ANKRD36: variants seen among roughly 807,000 people sequenced by gnomAD.
ANKRD36 encodes the protein ankyrin repeat domain 36.
In ANKRD36, 179 loss-of-function variants were observed where a neutral mutation model predicts 278.1. That is an observed-to-expected ratio of 0.64 (90% CI 0.57 to 0.73). The LOEUF (loss-of-function observed/expected upper bound fraction) is 0.73, where lower values mean the gene tolerates loss of function less well. ANKRD36 is among the 30% of genes least tolerant of loss of function. ANKRD36 has a pLI of 0.00. For synonymous variants in ANKRD36, 320 were observed against 641.1 expected, an observed-to-expected ratio of 0.50 and a Z score of 7.57; for missense variants, 1,159 against 1,956.7, an observed-to-expected ratio of 0.59 and a Z score of 7.69.
intron 24 of ANKRD36, among the ~76,000 whole-genome samples, chr2:97,180,464 T>A (rs1489857983): frequency 6.6e-6 from 1 of 151,588 alleles, no homozygotes; most frequent in Admixed American, 6.6e-5. Flanking sequence ...TGAGGAAACC[T>A]GAGTGAACTC....
chr2:97,179,032 G>T lies in ANKRD36; in HGVS notation c.1634-706G>T, dbSNP rs533179008. On this transcript the variant is annotated intron_variant, in intron 22 of 75. Coordinates refer to ENST00000420699, the MANE Select transcript of ANKRD36 (RefSeq NM_001354587.1). ...TATTTTGTATAAGTATGTCAAATTT[G>T]GTAATTTATTACACTTTTTGATGAA... Among the ~76,000 whole-genome samples the T allele has an allele frequency of 2.0e-5, 3 of 151,382 alleles. No individual in the cohort carries two copies. In the South Asian group the frequency reaches 6.3e-4, roughly 32 times the overall value.
At position 97,154,730 on chromosome 2, in the gene ANKRD36, T is replaced by C; in HGVS notation, c.1249T>C (p.Leu417=). 1.3e-6 allele frequency: 2 copies of C among 1,488,408 alleles called. No homozygotes were observed. The highest frequency in any genetic ancestry group is 1.4e-5 in the African/African-American group (1 of 72,864). 92.2% of individuals were successfully genotyped at this position (1,488,408 alleles called of 1,614,324 possible). ...GCCTGTGACAAAGGATAAGTTTGCT[T>C]TGGAATCTGAGGTAGAGTACTCTCT... ...AQPVTKDKFA[L]ESENISEPYF... The change falls in exon 15 of 76, where the codon TTG becomes CTG. Residue 417 remains leucine, a synonymous_variant. Coordinates refer to ENST00000420699, the MANE Select transcript of ANKRD36 (RefSeq NM_001354587.1).
At chr2:97,211,816 G>A (rs1257886850) in intron 58 of ANKRD36, 75 bp downstream of exon 58, 37 of 1,463,652 alleles carry the variant, frequency 2.5e-5, no homozygotes, top group Non-Finnish European at 3.3e-5. Flanking sequence ...ATAAAACAGC[G>A]GGGGGTTCGT....
At position 97,183,495 on chromosome 2, in the gene ANKRD36, C is replaced by T. The variant is rs1175140910; in HGVS notation, c.1866+8C>T. The T allele has an allele frequency of 6.4e-7, 1 of 1,561,684 alleles. No individual in the cohort carries two copies. Among genetic ancestry groups the T allele is most frequent in the African/African-American group, 1.4e-5 (1 of 72,710 alleles). On this transcript the variant is annotated splice_region_variant and intron_variant, in intron 27 of 75. Transcript: ENST00000420699. ...AAACAATCGGCCTGGAAGGTAGTTA[C>T]TCTTTCATTTATATTTTGAATTATT...
In ANKRD36 at chr2:97,113,653, G is replaced by T. The variant is rs2034195079; in HGVS notation, c.-87G>T. ...CTGTGCGGAGGTCCGTGGACAGACT[G>T]CTTTGCTCGTTGTTGCTCTTCGGAG... On this transcript the variant is annotated 5_prime_UTR_variant, in exon 1 of 76. Transcript: ENST00000420699. 1 of 1,572,644 alleles carries T rather than the reference G, an allele frequency of 6.4e-7. No homozygotes were observed.
At chr2:97,210,578 A>G (rs2064189662) in intron 56 of ANKRD36, among the ~76,000 whole-genome samples, 1 of 151,848 alleles carries the variant, frequency 6.6e-6, no homozygotes, top group Non-Finnish European at 1.5e-5. Context: ...TTAGTTATAA[A>G]AATGAGATAA....
intron 3 of ANKRD36, among the ~76,000 whole-genome samples, chr2:97,121,037 G>T (rs1452550499): frequency 6.6e-6 from 1 of 151,816 alleles, no homozygotes; most frequent in African/African-American, 2.4e-5. Context: ...CATCTCCCTT[G>T]CCTCTGTAGG....
intron 34 of ANKRD36, among the ~76,000 whole-genome samples, chr2:97,190,590 T>C (rs2058307388): frequency 6.6e-6 from 1 of 151,622 alleles, no homozygotes; most frequent in Admixed American, 6.6e-5. Context: ...TAAATCCTTT[T>C]GATTTCCTGC....
At chr2:97,231,129 G>A (rs1362031190) in intron 67 of ANKRD36, among the ~76,000 whole-genome samples, 1 of 152,114 alleles carries the variant, frequency 6.6e-6, no homozygotes, top group Non-Finnish European at 1.5e-5. Context: ...CCCATTCTCA[G>A]ATCTCCAGCT....
intron 40 of ANKRD36, among the ~76,000 whole-genome samples, chr2:97,195,977 T>C (rs1353248628): frequency 2.0e-5 from 3 of 151,964 alleles, no homozygotes; most frequent in Non-Finnish European, 4.4e-5. Flanking sequence ...AACTAGTGGA[T>C]ACAAGAAACT....
At chr2:97,159,823 C>T (rs922576451) in intron 17 of ANKRD36, among the ~76,000 whole-genome samples, 1 of 151,578 alleles carries the variant, frequency 6.6e-6, no homozygotes, top group Admixed American at 6.6e-5. Context: ...CGCTCTGTCG[C>T]CCAGGCTGGA....
At position 97,195,986 on chromosome 2, in the gene ANKRD36, C is replaced by G. The variant is rs1447760091; in HGVS notation, c.2552-607C>G. Reference sequence around the variant, plus strand: ...AGGCTAAACTAGTGGATACAAGAAACTTAAGCAAATTATTACACTACATGG... The same window carrying G: ...AGGCTAAACTAGTGGATACAAGAAAGTTAAGCAAATTATTACACTACATGG... On this transcript the variant is annotated intron_variant, in intron 40 of 75. Transcript: ENST00000420699. Among the ~76,000 whole-genome samples, 24 of 152,040 alleles carry G rather than the reference C, an allele frequency of 1.6e-4. No individual in the cohort carries two copies. In the East Asian group the frequency reaches 2.0e-3, roughly 12 times the overall value.
chr2:97,161,956 TA>T (rs1230740019), intron 17 of ANKRD36, 142 bp from the exon 18 acceptor site: 1 of 578,734 alleles, frequency 1.7e-6, no homozygotes, highest in Non-Finnish European at 2.5e-6. Flanking sequence ...GATAAATAAA[TA>T]AAATTAGTAT....
chr2:97,196,848 C>T, intron 42 of ANKRD36, 60 bp downstream of exon 42: 2 of 1,539,446 alleles, frequency 1.3e-6, no homozygotes, highest in South Asian at 1.2e-5. Flanking sequence ...AGTTCTCTTC[C>T]CCAAATAAAT....
intron 44 of ANKRD36, among the ~76,000 whole-genome samples, chr2:97,200,056 G>C (rs1198251006): frequency 1.3e-5 from 2 of 151,828 alleles, no homozygotes; most frequent in African/African-American, 4.8e-5. Context: ...CTCATCACTC[G>C]GCATATCCAC....
intron 28 of ANKRD36, among the ~76,000 whole-genome samples, chr2:97,184,894 A>G (rs1455368634): frequency 2.6e-5 from 4 of 151,770 alleles, no homozygotes. Flanking sequence ...GGCAAGTTAG[A>G]GCATGATGAA....
intron 15 of ANKRD36, among the ~76,000 whole-genome samples, chr2:97,155,983 T>C (rs1000462429): frequency 2.1e-5 from 3 of 146,298 alleles, no homozygotes; most frequent in African/African-American, 4.9e-5. Context: ...TCTGAATTTA[T>C]CTTTTGTTCT....
chr2:97,177,457 A>C (rs1285466746), intron 22 of ANKRD36, among the ~76,000 whole-genome samples: 1 of 151,990 alleles, frequency 6.6e-6, no homozygotes, highest in Non-Finnish European at 1.5e-5. Context: ...CCAAAACAGC[A>C]TGGTACTGGT....
Position 97,118,381 on chromosome 2 carries a change from T to C in ANKRD36, c.350T>C (p.Leu117Pro), listed in dbSNP as rs1472082316. 12 of 1,609,076 alleles carry C rather than the reference T, an allele frequency of 7.5e-6. 1 individual carries two copies. The Admixed American group carries it at 1.3e-4, about 18-fold the overall frequency. Residue 117 changes from leucine (L) to proline (P), a missense_variant, in exon 3 of 76, where the codon CTG becomes CCG. Transcript: ENST00000420699. ...QLRQEACATL[L>P]LQNGANPNIT... The stretch of plus-strand genomic sequence containing the variant: ...AGGCAGGAGGCTTGTGCAACTCTTC[T>C]GCTGCAAAATGGCGCCAATCCAAAT...
Sources: allele counts gnomAD v4.1 joint callset (sites outside exome capture counted in the v4.1 genomes callset), GRCh38; gene constraint gnomAD v4.1.1; transcripts MANE v1.5; gene names NCBI Gene and HGNC (gene_info 2026-07-23, HGNC 2026-07-21).